The following SLC29A3 variants were observed in gnomAD, a reference collection of about 807,000 sequenced individuals.
The protein encoded by SLC29A3 is solute carrier family 29 member 3.
A neutral mutation model predicts 25.4 loss-of-function variants in SLC29A3; 18 were observed. That is an observed-to-expected ratio of 0.71 (90% CI 0.49 to 1.05). SLC29A3 has a LOEUF of 1.05. Among genes scored for constraint, SLC29A3 ranks in the 50% least tolerant of loss-of-function variants. The pLI is 0.00. For synonymous variants in SLC29A3, 258 were observed against 267.1 expected (o/e 0.97, Z 0.33); for missense variants, 586 against 609.0 (o/e 0.96, Z 0.40).
intron 3 of SLC29A3, among the ~76,000 whole-genome samples, chr10:71,345,591 A>T (rs1846549493): frequency 6.6e-6 from 1 of 152,234 alleles, no homozygotes; most frequent in Non-Finnish European, 1.5e-5. Flanking sequence ...CTCCAAACCA[A>T]AGTGCAGTCT....
At chr10:71,333,518 G>A (rs947210914) in intron 2 of SLC29A3, among the ~76,000 whole-genome samples, 1 of 152,218 alleles carries the variant, frequency 6.6e-6, no homozygotes, top group Non-Finnish European at 1.5e-5. Flanking sequence ...CTTCCTGATG[G>A]TCCCTAAGGT....
intron 5 of SLC29A3, among the ~76,000 whole-genome samples, chr10:71,361,459 G>A (rs1036822098): frequency 6.6e-6 from 1 of 152,216 alleles, no homozygotes; most frequent in Non-Finnish European, 1.5e-5. Context: ...ATCATGCCCG[G>A]CCTAGAATGT....
intron 2 of SLC29A3, among the ~76,000 whole-genome samples, chr10:71,338,984 C>A (rs1389026678): frequency 1.3e-5 from 2 of 152,226 alleles, no homozygotes; most frequent in East Asian, 3.8e-4. Context: ...AGGAGACAGA[C>A]AACCTCAGCT....
rs534863409 is a variant in SLC29A3 at position 71,360,389 on chromosome 10, C to T, written c.774-1565C>T. On this transcript the variant is annotated intron_variant, in intron 5 of 5. Transcript: ENST00000373189. Reference sequence around the variant, plus strand: ...AACTCCTAACCTCAAGTGACCCGCCCGCCTTGGCCTCCCAAAGTGCTGGGA... The same window carrying T: ...AACTCCTAACCTCAAGTGACCCGCCTGCCTTGGCCTCCCAAAGTGCTGGGA... Among the ~76,000 whole-genome samples the T allele has an allele frequency of 1.9e-4, 29 of 152,196 alleles. 1 individual carries two copies. In the South Asian group the frequency reaches 5.4e-3, roughly 28 times the overall value.
chr10:71,345,733 G>A lies in SLC29A3; in HGVS notation c.383+1442G>A, dbSNP rs545532878. 2.3e-3 allele frequency among the ~76,000 whole-genome samples: 343 copies of A among 152,336 alleles called. 14 individuals carry two copies. Among genetic ancestry groups the A allele is most frequent in the Admixed American group, 0.021 (322 of 15,308 alleles). ...AGAGGGGGCACAGCCTGCGGAGACCGCCACCCCAGGAGGAGAGTAGAGGAG... is the reference window on the plus strand; with the variant it reads ...AGAGGGGGCACAGCCTGCGGAGACCACCACCCCAGGAGGAGAGTAGAGGAG... On this transcript the variant is annotated intron_variant, in intron 3 of 5. Coordinates refer to ENST00000373189, the MANE Select transcript of SLC29A3 (RefSeq NM_018344.6).
intron 3 of SLC29A3, among the ~76,000 whole-genome samples, chr10:71,374,597 T>C (rs1159359583): frequency 6.6e-6 from 1 of 152,090 alleles, no homozygotes; most frequent in Non-Finnish European, 1.5e-5. Context: ...AAGAGTAATG[T>C]TGCCTGCCCC....
chr10:71,324,559 A>G (rs1200921490), intron 2 of SLC29A3, among the ~76,000 whole-genome samples: 1 of 152,260 alleles, frequency 6.6e-6, no homozygotes. Flanking sequence ...CTGTTAAACA[A>G]TATGGGTTTG....
intron 5 of SLC29A3, among the ~76,000 whole-genome samples, chr10:71,357,012 A>T (rs572579328): frequency 6.6e-6 from 1 of 152,132 alleles, no homozygotes; most frequent in Non-Finnish European, 1.5e-5. Flanking sequence ...CAGGGATGCA[A>T]TCGTGGCCTG....
chr10:71,366,314 T>C (rs1215901960), downstream of SLC29A3: 1 of 152,180 alleles, frequency 6.6e-6, no homozygotes, highest in African/African-American at 2.4e-5. Flanking sequence ...TTCTATGCAA[T>C]GTATTGAAAG....
At chr10:71,359,877 A>G (rs1471438984) in intron 5 of SLC29A3, among the ~76,000 whole-genome samples, 2 of 152,256 alleles carry the variant, frequency 1.3e-5, no homozygotes, top group African/African-American at 2.4e-5. Context: ...CCTGGTTTTC[A>G]GATACCTGGG....
intron 2 of SLC29A3, among the ~76,000 whole-genome samples, chr10:71,337,733 C>T (rs558787137): frequency 1.3e-3 from 199 of 152,322 alleles, no homozygotes; most frequent in Non-Finnish European, 1.5e-3. Context: ...GGGCTCATTT[C>T]GGGGCCTCCC....
intron 3 of SLC29A3, among the ~76,000 whole-genome samples, chr10:71,349,269 C>T (rs1163219088): frequency 6.6e-6 from 1 of 152,106 alleles, no homozygotes; most frequent in African/African-American, 2.4e-5. Flanking sequence ...AAGGCAGGTC[C>T]ACCTTTAGGC....
chr10:71,324,251 C>A (rs1589220991), intron 2 of SLC29A3, among the ~76,000 whole-genome samples: 1 of 152,168 alleles, frequency 6.6e-6, no homozygotes, highest in Non-Finnish European at 1.5e-5. Context: ...ACACAGTCAA[C>A]CCTTGAACAA....
chr10:71,321,727 G>T (rs184228199), intron 1 of SLC29A3, among the ~76,000 whole-genome samples: 1 of 152,354 alleles, frequency 6.6e-6, no homozygotes, highest in African/African-American at 2.4e-5. Context: ...ACAGAAATGT[G>T]GTAACTTGCC....
intron 2 of SLC29A3, among the ~76,000 whole-genome samples, chr10:71,332,112 CT>C (rs1464429746): frequency 6.7e-6 from 1 of 150,006 alleles, no homozygotes; most frequent in African/African-American, 2.4e-5. Context: ...CTCTTTTATT[CT>C]TTTTTTCTTT....
intron 3 of SLC29A3, among the ~76,000 whole-genome samples, chr10:71,372,725 A>T (rs1166163705): frequency 6.6e-6 from 1 of 152,170 alleles, no homozygotes; most frequent in Non-Finnish European, 1.5e-5. Context: ...CATTGTGGAC[A>T]CTCACTCAAC....
chr10:71,319,737 C>CCCTA, intron 1 of SLC29A3: 1 of 173,690 alleles, frequency 5.8e-6, no homozygotes, highest in African/African-American at 2.4e-5. Context: ...CACAGGTTAG[C>CCCTA]CCTACCAGCT....
At chr10:71,358,480 G>A (rs1383295801) in intron 5 of SLC29A3, among the ~76,000 whole-genome samples, 1 of 152,112 alleles carries the variant, frequency 6.6e-6, no homozygotes. Flanking sequence ...GCTGTCATCA[G>A]AAATTGCCTA....
At chr10:71,359,479 G>A (rs766534847) in intron 5 of SLC29A3, among the ~76,000 whole-genome samples, 2 of 152,192 alleles carry the variant, frequency 1.3e-5, no homozygotes, top group Admixed American at 6.5e-5. Flanking sequence ...ACCTGACGAC[G>A]CTGAATAGAG....
Sources: gnomAD v4.1 joint callset for allele counts (sites outside exome capture counted in the v4.1 genomes callset) on GRCh38, gnomAD v4.1.1 for gene constraint, MANE v1.5 for transcripts, NCBI Gene and HGNC (gene_info 2026-07-23, HGNC 2026-07-21) for gene names.